TRAPPC8: variants seen among roughly 807,000 people sequenced by gnomAD.
TRAPPC8 encodes general sporulation gene 1 homolog.
Under a neutral mutation model 174.3 loss-of-function variants are expected in TRAPPC8, and 54 were observed. That is an observed-to-expected ratio of 0.31 (90% confidence interval 0.25 to 0.39). The LOEUF (loss-of-function observed/expected upper bound fraction) is 0.39. Ranked by LOEUF, TRAPPC8 falls within the 10% of genes least tolerant of loss-of-function variation. The pLI, the probability that TRAPPC8 is intolerant of heterozygous loss-of-function variation, is 1.00. For missense variants in TRAPPC8, 1,531 were observed against 1,699.1 expected (o/e 0.90, Z 1.74); for synonymous variants, 630 against 579.9 (o/e 1.09, Z -1.24).
In TRAPPC8 at chr18:31,931,347, A is replaced by T. The variant is rs35451943; in HGVS notation, c.334T>A (p.Tyr112Asn). 1 of 1,582,302 alleles carries T rather than the reference A, an allele frequency of 6.3e-7. No homozygotes were observed. The highest frequency in any genetic ancestry group is 1.2e-5 in the South Asian group (1 of 85,114). Residue 112 changes from tyrosine (Y) to asparagine (N), a missense_variant, in exon 2 of 29, where the codon TAT becomes AAT. Transcript: ENST00000283351. ...TACATACCACTGATGTTAAGGTCAT[A>T]ATCTCCTGCTGTAATCACATTAGCT... Reference protein sequence around the residue: ...LVANVITAGDYDLNISATTPW... With the variant: ...LVANVITAGDNDLNISATTPW...
At chr18:31,844,847 AC>A (rs1325774954) in intron 26 of TRAPPC8, among the ~76,000 whole-genome samples, 2 of 152,210 alleles carry the variant, frequency 1.3e-5, no homozygotes, top group African/African-American at 2.4e-5. Flanking sequence ...ACATGGCACC[AC>A]CTTAAATGAT....
chr18:31,920,443 AAG>A (rs1473553173), intron 2 of TRAPPC8, among the ~76,000 whole-genome samples: 2 of 152,198 alleles, frequency 1.3e-5, no homozygotes, highest in African/African-American at 4.8e-5. Flanking sequence ...GTCTAATTAG[AAG>A]AGTTACTACT....
chr18:31,863,288 A>T (rs2145147850), intron 19 of TRAPPC8, among the ~76,000 whole-genome samples: 1 of 152,322 alleles, frequency 6.6e-6, no homozygotes, highest in African/African-American at 2.4e-5. Context: ...AATTTACTAT[A>T]GTTTTGCTGA....
chr18:31,833,991 G>C (rs2032540775), intron 27 of TRAPPC8, among the ~76,000 whole-genome samples: 1 of 112,058 alleles, frequency 8.9e-6, no homozygotes, highest in Admixed American at 9.4e-5. Flanking sequence ...GACAGAGCAA[G>C]ACTCCGTCTC....
At chr18:31,847,278 T>TAAATAC (rs755047045) in intron 25 of TRAPPC8, among the ~76,000 whole-genome samples, 2 of 152,192 alleles carry the variant, frequency 1.3e-5, no homozygotes, top group Non-Finnish European at 2.9e-5. Context: ...TTCATAAATA[T>TAAATAC]AAATACATAT....
At chr18:31,905,453 C>T (rs1206143246) in intron 9 of TRAPPC8, among the ~76,000 whole-genome samples, 1 of 152,168 alleles carries the variant, frequency 6.6e-6, no homozygotes, top group Non-Finnish European at 1.5e-5. Flanking sequence ...GGGCTCAGGG[C>T]AGGCTGTACT....
At chr18:31,831,091 G>A (rs373474464) in intron 28 of TRAPPC8, 102 bp from the exon 29 acceptor site, 9 of 925,302 alleles carry the variant, frequency 9.7e-6, no homozygotes, top group Middle Eastern at 3.2e-4. Context: ...GGTGGCTCAC[G>A]CCTGTAATCC....
intron 12 of TRAPPC8, among the ~76,000 whole-genome samples, chr18:31,876,262 G>A (rs562488802): frequency 6.6e-6 from 1 of 151,884 alleles, no homozygotes; most frequent in African/African-American, 2.4e-5. Flanking sequence ...AGGCTGAGGC[G>A]GGCAGATCAT....
chr18:31,846,940 G>A, intron 25 of TRAPPC8, 123 bp from the exon 26 acceptor site: 2 of 546,726 alleles, frequency 3.7e-6, no homozygotes, highest in East Asian at 5.6e-5. Context: ...GACACTCCTG[G>A]CAATGTCACC....
intron 1 of TRAPPC8, among the ~76,000 whole-genome samples, chr18:31,932,427 C>CA (rs1360020262): frequency 3.2e-3 from 387 of 121,664 alleles, no homozygotes; most frequent in African/African-American, 4.5e-3. Flanking sequence ...ACTTGGTCTC[C>CA]AAAAAAAAAA....
At chr18:31,934,235 G>C (rs1404253776) in intron 1 of TRAPPC8, among the ~76,000 whole-genome samples, 1 of 150,866 alleles carries the variant, frequency 6.6e-6, no homozygotes. Context: ...GCCTATAAAA[G>C]GAAGGAAAGA....
intron 2 of TRAPPC8, among the ~76,000 whole-genome samples, chr18:31,919,953 T>C (rs2037314221): frequency 6.6e-6 from 1 of 152,064 alleles, no homozygotes; most frequent in Non-Finnish European, 1.5e-5. Context: ...AATTGGAGAA[T>C]AAATGAAACA....
chr18:31,847,438 TC>T (rs1305103509), intron 25 of TRAPPC8, among the ~76,000 whole-genome samples: 3 of 152,264 alleles, frequency 2.0e-5, no homozygotes, highest in Non-Finnish European at 2.9e-5. Flanking sequence ...ACTGTCATTA[TC>T]ACATTATGTG....
chr18:31,890,690 T>C (rs988259625), intron 12 of TRAPPC8, 45 bp downstream of exon 12: 10 of 1,570,402 alleles, frequency 6.4e-6, no homozygotes, highest in African/African-American at 2.8e-5. Flanking sequence ...GACACACATT[T>C]ATAAAATAAA....
chr18:31,872,836 A>C (rs1217692669), intron 14 of TRAPPC8, among the ~76,000 whole-genome samples: 2 of 152,146 alleles, frequency 1.3e-5, no homozygotes, highest in Non-Finnish European at 2.9e-5. Flanking sequence ...AACGTTTATG[A>C]AGATTATATA....
intron 12 of TRAPPC8, among the ~76,000 whole-genome samples, chr18:31,879,524 C>G (rs752745677): frequency 1.3e-5 from 2 of 151,916 alleles, no homozygotes; most frequent in Non-Finnish European, 2.9e-5. Context: ...ATCAAAAAGA[C>G]AGATCTCAAA....
At chr18:31,931,214 C>G in intron 2 of TRAPPC8, 115 bp downstream of exon 2, 1 of 942,290 alleles carries the variant, frequency 1.1e-6, no homozygotes, top group Non-Finnish European at 1.5e-6. Context: ...TATTCTCAGG[C>G]CCTAGCACTT....
chr18:31,839,166 C>T (rs1340053085), intron 27 of TRAPPC8, 146 bp downstream of exon 27: 4 of 614,934 alleles, frequency 6.5e-6, no homozygotes, highest in Non-Finnish European at 2.5e-6. Flanking sequence ...TAAACTTGAA[C>T]TGTTTAGTTC....
intron 25 of TRAPPC8, among the ~76,000 whole-genome samples, chr18:31,848,517 T>C (rs920128136): frequency 6.6e-6 from 1 of 152,152 alleles, no homozygotes; most frequent in Non-Finnish European, 1.5e-5. Flanking sequence ...CTGATCTTCT[T>C]AACATAAAAT....
Sources: allele counts gnomAD v4.1 joint callset (sites outside exome capture counted in the v4.1 genomes callset), GRCh38; gene constraint gnomAD v4.1.1; transcripts MANE v1.5; gene names NCBI Gene and HGNC (gene_info 2026-07-23, HGNC 2026-07-21).